CSMD1: variants seen among roughly 807,000 people sequenced by gnomAD.
CSMD1 encodes the protein CUB and Sushi multiple domains 1, also known as CUB and sushi domain-containing protein 1.
A neutral mutation model predicts 417.5 loss-of-function variants in CSMD1; 213 were observed. The ratio of observed to expected loss-of-function variants is 0.51; its 90% confidence interval spans 0.46 to 0.57. The LOEUF (loss-of-function observed/expected upper bound fraction) is 0.57. CSMD1 is among the 20% of genes least tolerant of loss of function. The probability of loss-of-function intolerance (pLI) is 0.00; values close to 1 mark genes in which losing one functional copy is unlikely to be tolerated. For synonymous variants in CSMD1, 2,862 were observed against 1,736.8 expected (o/e 1.65, Z -16.11); for missense variants, 6,923 against 4,529.7 (o/e 1.53, Z -15.17).
intron 6 of CSMD1, among the ~76,000 whole-genome samples, chr8:3,748,321 T>C (rs1043451820): frequency 6.6e-6 from 1 of 152,228 alleles, no homozygotes; most frequent in African/African-American, 2.4e-5. Context: ...GTAATTTATT[T>C]TGATTGAAAC....
intron 5 of CSMD1, among the ~76,000 whole-genome samples, chr8:3,899,313 A>G (rs1465598931): frequency 6.6e-6 from 1 of 152,210 alleles, no homozygotes; most frequent in Non-Finnish European, 1.5e-5. Flanking sequence ...GCTTTGCAAA[A>G]GAGGTGCTAC....
chr8:4,754,475 G>A (rs1811541234), intron 1 of CSMD1, among the ~76,000 whole-genome samples: 1 of 151,778 alleles, frequency 6.6e-6, no homozygotes, highest in South Asian at 2.1e-4. Flanking sequence ...TGTCATGCAT[G>A]CAATTTTTGC....
chr8:4,673,112 C>A (rs1406526345), intron 1 of CSMD1, among the ~76,000 whole-genome samples: 3 of 152,010 alleles, frequency 2.0e-5, no homozygotes, highest in Non-Finnish European at 4.4e-5. Flanking sequence ...TGACATGGCA[C>A]ACACACATCT....
intron 3 of CSMD1, among the ~76,000 whole-genome samples, chr8:4,246,318 C>T (rs1474490246): frequency 2.0e-5 from 3 of 152,086 alleles, no homozygotes; most frequent in Non-Finnish European, 4.4e-5. Context: ...ATATTGGCCT[C>T]CACCTCCATC....
At chr8:3,712,956 T>G (rs946235584) in intron 6 of CSMD1, among the ~76,000 whole-genome samples, 1 of 152,174 alleles carries the variant, frequency 6.6e-6, no homozygotes, top group Non-Finnish European at 1.5e-5. Context: ...TTAATAACAA[T>G]GTATTGTGTG....
intron 5 of CSMD1, among the ~76,000 whole-genome samples, chr8:3,893,421 G>T (rs941971108): frequency 7.0e-6 from 1 of 143,884 alleles, no homozygotes; most frequent in African/African-American, 2.5e-5. Flanking sequence ...ACAAAATCTG[G>T]ATCAACTCCT....
rs200994813 is a variant in CSMD1, at chr8:3,270,046, CTTTTTTTT to C, written c.4153+14090_4153+14097del. Among the ~76,000 whole-genome samples the C allele has an allele frequency of 0.011, 1,326 of 118,398 alleles. 98 individuals carry two copies. In the East Asian group the frequency reaches 0.23, roughly 20 times the overall value. The allele number at this position is 118,398 out of a possible 152,430, so 77.7% of individuals were successfully genotyped here. A position where few individuals can be genotyped will look rare whatever the true frequency, so the allele number is the denominator to read the frequency against. On this transcript the variant is annotated intron_variant, in intron 26 of 69. Coordinates refer to ENST00000635120, the MANE Select transcript of CSMD1 (RefSeq NM_033225.6). ...GAGCAAGGACTTTCTCTAACCTCTT[CTTTTTTTT>C]TTTTTTTTTTTTTGAGATGGAGTCT...
At chr8:3,529,498 G>A (rs927449292) in intron 10 of CSMD1, among the ~76,000 whole-genome samples, 4 of 152,100 alleles carry the variant, frequency 2.6e-5, no homozygotes, top group Non-Finnish European at 4.4e-5. Context: ...ATGTGACTCT[G>A]GCTCTAATCA....
chr8:4,315,452 CA>C (rs111419811), intron 3 of CSMD1, among the ~76,000 whole-genome samples: 10 of 150,808 alleles, frequency 6.6e-5, no homozygotes, highest in African/African-American at 9.7e-5. Context: ...TCAGTGAATG[CA>C]AAAAAAATAT....
chr8:4,474,470 G>A (rs1452754523), intron 2 of CSMD1, among the ~76,000 whole-genome samples: 1 of 152,152 alleles, frequency 6.6e-6, no homozygotes, highest in African/African-American at 2.4e-5. Context: ...GACTGAAAAT[G>A]GAAAATCAAA....
chr8:4,136,761 G>C (rs548229978), intron 3 of CSMD1, among the ~76,000 whole-genome samples: 3 of 152,230 alleles, frequency 2.0e-5, no homozygotes, highest in East Asian at 1.9e-4. Context: ...TGAATTATTT[G>C]ACTTTTATAA....
At chr8:4,558,162 A>C (rs1585247288) in intron 2 of CSMD1, among the ~76,000 whole-genome samples, 1 of 152,272 alleles carries the variant, frequency 6.6e-6, no homozygotes, top group South Asian at 2.1e-4. Context: ...CTGTGGGAAA[A>C]GAGTAACTAC....
intron 3 of CSMD1, among the ~76,000 whole-genome samples, chr8:4,171,886 T>C (rs1797783414): frequency 6.6e-6 from 1 of 152,210 alleles, no homozygotes; most frequent in Non-Finnish European, 1.5e-5. Flanking sequence ...AATACTTGAA[T>C]GCAATTGTCT....
intron 1 of CSMD1, among the ~76,000 whole-genome samples, chr8:4,927,200 A>G (rs11985788): frequency 0.038 from 5,747 of 151,134 alleles, 120 homozygotes; most frequent in Middle Eastern, 0.097. Flanking sequence ...TCCACCTCCC[A>G]CGTTCAAGTG....
In CSMD1 at chr8:3,721,937, G is replaced by A. The variant is rs140537402; in HGVS notation, c.932-13446C>T. 2.0e-3 allele frequency among the ~76,000 whole-genome samples: 307 copies of A among 152,228 alleles called. 1 individual carries two copies. Among genetic ancestry groups the A allele is most frequent in the African/African-American group, 7.1e-3 (295 of 41,520 alleles). On this transcript the variant is annotated intron_variant, in intron 6 of 69. Transcript: ENST00000635120. ...AGTACTGATGCATCTACATGCCACA[G>A]GTGCACCCAAGGCCGTCCTCATCCC...
chr8:3,585,413 A>C (rs1425289546), intron 9 of CSMD1, among the ~76,000 whole-genome samples: 1 of 152,210 alleles, frequency 6.6e-6, no homozygotes, highest in Non-Finnish European at 1.5e-5. Flanking sequence ...TACATAAATC[A>C]TTTTATGGCC....
In CSMD1 at chr8:3,935,812, T is replaced by C. The variant is rs556346862; in HGVS notation, c.818+62091A>G. On this transcript the variant is annotated intron_variant, in intron 5 of 69. Coordinates refer to ENST00000635120, the MANE Select transcript of CSMD1 (RefSeq NM_033225.6). ...CTACAGTGGCCTTTATGTGCTCAAG[T>C]GAAAGGAAGAGTCACATGTCTCTAT... Among the ~76,000 whole-genome samples the C allele has an allele frequency of 7.5e-4, 114 of 152,062 alleles. 1 individual carries two copies. Among genetic ancestry groups the C allele is most frequent in the Non-Finnish European group, 8.1e-4 (55 of 68,010 alleles).
intron 4 of CSMD1, among the ~76,000 whole-genome samples, chr8:4,027,236 A>C (rs1186711830): frequency 6.6e-6 from 1 of 152,194 alleles, no homozygotes; most frequent in Non-Finnish European, 1.5e-5. Context: ...TTGAGTCACC[A>C]AAGTAGTTTG....
At chr8:4,672,604 C>G (rs564495141) in intron 1 of CSMD1, among the ~76,000 whole-genome samples, 2 of 152,080 alleles carry the variant, frequency 1.3e-5, no homozygotes, top group Non-Finnish European at 2.9e-5. Context: ...ATAAAATGTG[C>G]TACGTATGCA....
Sources: allele counts gnomAD v4.1 joint callset (sites outside exome capture counted in the v4.1 genomes callset), GRCh38; gene constraint gnomAD v4.1.1; transcripts MANE v1.5; gene names NCBI Gene and HGNC (gene_info 2026-07-23, HGNC 2026-07-21).